The following ZDHHC11B variants were observed in gnomAD, a reference collection of about 807,000 sequenced individuals.
The protein encoded by ZDHHC11B is zDHHC palmitoyltransferase 11B (putative).
In ZDHHC11B, 17 loss-of-function variants were observed where a neutral mutation model predicts 42.3. That is an observed-to-expected ratio of 0.40 (90% confidence interval 0.27 to 0.60). The LOEUF (loss-of-function observed/expected upper bound fraction) is 0.60. ZDHHC11B is among the 20% of genes least tolerant of loss of function. The pLI, the probability that ZDHHC11B is intolerant of heterozygous loss-of-function variation, is 0.41. For missense variants in ZDHHC11B, 262 were observed against 463.2 expected (o/e 0.57, Z 3.99); for synonymous variants, 123 against 193.5 (o/e 0.64, Z 3.02).
Position 751,860 on chromosome 5 carries a change from C to T in ZDHHC11B, c.504-603G>A, listed in dbSNP as rs1453425838. 1.7e-5 allele frequency among the ~76,000 whole-genome samples: 2 copies of T among 119,406 alleles called. 1 individual carries two copies. The highest frequency in any genetic ancestry group is 5.3e-5 in the African/African-American group (2 of 37,690). The allele number at this position is 119,406 out of a possible 152,430, so 78.3% of individuals were successfully genotyped here. A position where few individuals can be genotyped will look rare whatever the true frequency, so the allele number is the denominator to read the frequency against. ...CTTGCAAACGTGATTGCCTTTAATC[C>T]CCACAAGGAACAATGAGGTTGTGAG... On this transcript the variant is annotated intron_variant, in intron 6 of 13. Coordinates refer to ENST00000508859, the MANE Select transcript of ZDHHC11B (RefSeq NM_001351303.2).
intron 1 of ZDHHC11B, among the ~76,000 whole-genome samples, chr5:774,838 G>A (rs1319541723): frequency 2.0e-5 from 3 of 151,892 alleles, no homozygotes; most frequent in African/African-American, 7.3e-5. Flanking sequence ...AGGGCCAGCT[G>A]CTGTTTTAAA....
At chr5:763,296 G>C (rs1476939304) in intron 4 of ZDHHC11B, among the ~76,000 whole-genome samples, 1 of 150,862 alleles carries the variant, frequency 6.6e-6, no homozygotes, top group Non-Finnish European at 1.5e-5. Context: ...TTGAACCCAG[G>C]AGGCAGAGGT....
At chr5:756,271 G>A (rs1733816080) in intron 4 of ZDHHC11B, 127 bp from the exon 5 acceptor site, 5 of 1,294,144 alleles carry the variant, frequency 3.9e-6, no homozygotes, top group Admixed American at 2.2e-5. Flanking sequence ...CTGCACACGT[G>A]AGCCCAGCTC....
intron 12 of ZDHHC11B, among the ~76,000 whole-genome samples, chr5:717,434 C>T (rs1741837301): frequency 6.6e-6 from 1 of 151,574 alleles, no homozygotes; most frequent in African/African-American, 2.4e-5. Flanking sequence ...GGTTGGGGAT[C>T]CGGCTTAAGT....
At chr5:774,342 G>C (rs1224263335) in intron 1 of ZDHHC11B, among the ~76,000 whole-genome samples, 1 of 152,172 alleles carries the variant, frequency 6.6e-6, no homozygotes, top group Non-Finnish European at 1.5e-5. Context: ...CTGGAAACCC[G>C]GGTGTCCATG....
chr5:722,922 T>C (rs1199346987), intron 12 of ZDHHC11B, among the ~76,000 whole-genome samples: 1 of 151,616 alleles, frequency 6.6e-6, no homozygotes, highest in Non-Finnish European at 1.5e-5. Context: ...CAATGTCCTT[T>C]CTGTTAAAAA....
chr5:777,165 T>A (rs1736576588), intron 1 of ZDHHC11B, among the ~76,000 whole-genome samples: 1 of 151,904 alleles, frequency 6.6e-6, no homozygotes, highest in African/African-American at 2.4e-5. Flanking sequence ...GTCTGGAGTT[T>A]CTTCCTTCTG....
intron 4 of ZDHHC11B, among the ~76,000 whole-genome samples, chr5:762,801 A>C (rs1453823699): frequency 7.3e-6 from 1 of 137,814 alleles, no homozygotes; most frequent in African/African-American, 2.6e-5. Context: ...AGTAGTAAAA[A>C]TAAAAGCAGA....
chr5:770,317 C>T (rs1174316513), intron 1 of ZDHHC11B, among the ~76,000 whole-genome samples: 1 of 149,988 alleles, frequency 6.7e-6, no homozygotes, highest in East Asian at 1.9e-4. Context: ...CAGCCCCGGG[C>T]AGAGTGGAGC....
chr5:757,421 G>A (rs1734018938), intron 4 of ZDHHC11B, among the ~76,000 whole-genome samples: 1 of 151,964 alleles, frequency 6.6e-6, no homozygotes, highest in Non-Finnish European at 1.5e-5. Flanking sequence ...TGTCCCTCCT[G>A]ACAGAGCCCC....
rs556143262 is a variant in ZDHHC11B at position 744,645 on chromosome 5, C to T, written c.900+538G>A. Reference sequence around the variant, plus strand: ...ATCCCAGCACTTTCGGAGGCCAAGGCGGGCGGATCACCTGAGGCCAGAAGT... The same window carrying T: ...ATCCCAGCACTTTCGGAGGCCAAGGTGGGCGGATCACCTGAGGCCAGAAGT... On this transcript the variant is annotated intron_variant, in intron 9 of 13. Coordinates refer to ENST00000508859, the MANE Select transcript of ZDHHC11B (RefSeq NM_001351303.2). 6.6e-4 allele frequency among the ~76,000 whole-genome samples: 98 copies of T among 149,358 alleles called. 3 individuals are homozygous for T. Among genetic ancestry groups the T allele is most frequent in the Admixed American group, 1.0e-3 (15 of 14,664 alleles).
At chr5:725,152 A>C (rs1742483810) in intron 12 of ZDHHC11B, among the ~76,000 whole-genome samples, 1 of 151,094 alleles carries the variant, frequency 6.6e-6, no homozygotes, top group Non-Finnish European at 1.5e-5. Context: ...CACGCATGTG[A>C]GTGAGATCTC....
At chr5:757,040 C>G (rs531564024) in intron 4 of ZDHHC11B, among the ~76,000 whole-genome samples, 273 of 151,216 alleles carry the variant, frequency 1.8e-3, no homozygotes, top group African/African-American at 6.3e-3. Flanking sequence ...CTCCCCGTGA[C>G]TGGAACGTCA....
chr5:766,379 T>C (rs1484035021), intron 4 of ZDHHC11B, among the ~76,000 whole-genome samples: 20 of 151,912 alleles, frequency 1.3e-4, no homozygotes, highest in African/African-American at 4.6e-4. Flanking sequence ...TGACATGGGG[T>C]CAGCGGCTGC....
chr5:723,798 G>T (rs1331144212), intron 12 of ZDHHC11B, among the ~76,000 whole-genome samples: 1 of 130,178 alleles, frequency 7.7e-6, no homozygotes, highest in African/African-American at 2.7e-5. Context: ...CTTCAGGTGG[G>T]TCCTTCTGAA....
chr5:779,141 C>A (rs470949), intron 1 of ZDHHC11B, among the ~76,000 whole-genome samples: 37,986 of 146,508 alleles, frequency 0.26, 5,653 homozygotes, highest in African/African-American at 0.55. Context: ...CACAGTCGCC[C>A]TGAGGCTGGG....
intron 6 of ZDHHC11B, among the ~76,000 whole-genome samples, chr5:751,991 T>C (rs572005841): frequency 0.042 from 4,985 of 117,958 alleles, 194 homozygotes; most frequent in African/African-American, 0.14. Flanking sequence ...GCGTCTCCAG[T>C]GTCACAGCTC....
chr5:748,128 C>G (rs57785304), intron 8 of ZDHHC11B: 1 of 544,666 alleles, frequency 1.8e-6, no homozygotes, highest in East Asian at 4.4e-5. Context: ...TTCAAGCACC[C>G]GGCAGCGCTC....
chr5:743,091 C>A (rs10056035), intron 9 of ZDHHC11B, among the ~76,000 whole-genome samples: 3 of 148,168 alleles, frequency 2.0e-5, no homozygotes, highest in Non-Finnish European at 4.5e-5. Context: ...TGTGGATATC[C>A]AATTGTTCTA....
Sources: allele counts gnomAD v4.1 joint callset (sites outside exome capture counted in the v4.1 genomes callset), GRCh38; gene constraint gnomAD v4.1.1; transcripts MANE v1.5; gene names NCBI Gene and HGNC (gene_info 2026-07-23, HGNC 2026-07-21).